LOXHD1: variants seen among roughly 807,000 people sequenced by gnomAD.
The protein encoded by LOXHD1 is lipoxygenase homology PLAT domains 1.
In LOXHD1, 205 loss-of-function variants were observed where a neutral mutation model predicts 248.2. That is an observed-to-expected ratio of 0.83 (90% CI 0.74 to 0.93). LOXHD1 has a LOEUF of 0.93. Among genes scored for constraint, LOXHD1 ranks in the 40% least tolerant of loss-of-function variants. The pLI, the probability that LOXHD1 is intolerant of heterozygous loss-of-function variation, is 0.00. For synonymous variants in LOXHD1, 1,113 were observed against 1,162.8 expected (o/e 0.96, Z 0.87); for missense variants, 2,930 against 2,971.6 (o/e 0.99, Z 0.33).
intron 3 of LOXHD1, among the ~76,000 whole-genome samples, chr18:46,640,908 AGTT>A (rs2038954849): frequency 6.6e-6 from 1 of 152,158 alleles, no homozygotes. Context: ...TTATCCTTGC[AGTT>A]GTTAACAGGA....
At chr18:46,611,026 C>A in intron 5 of LOXHD1, 102 bp from the exon 6 acceptor site, 1 of 1,372,374 alleles carries the variant, frequency 7.3e-7, no homozygotes. Flanking sequence ...CCAAAGTTAA[C>A]AAGGGCAACT....
intron 17 of LOXHD1, 68 bp downstream of exon 17, chr18:46,566,189 T>TGGGG: frequency 2.0e-6 from 3 of 1,470,258 alleles, no homozygotes; most frequent in Non-Finnish European, 2.7e-6. Flanking sequence ...CCATGGTCCC[T>TGGGG]CCTCCTTCCC....
intron 34 of LOXHD1, among the ~76,000 whole-genome samples, chr18:46,512,602 C>T (rs1455732843): frequency 1.3e-5 from 2 of 152,268 alleles, no homozygotes; most frequent in Admixed American, 6.5e-5. Flanking sequence ...AATGAACCTA[C>T]TGGGTGGTTC....
chr18:46,613,935 T>C (rs1373363282), intron 5 of LOXHD1, among the ~76,000 whole-genome samples: 8 of 152,240 alleles, frequency 5.3e-5, no homozygotes, highest in Non-Finnish European at 1.2e-4. Context: ...GGTGTGCTAA[T>C]ATTTAAGATT....
rs8095313 is a variant in LOXHD1 at position 46,602,672 on chromosome 18, G to A, written c.884-1205C>T. Among the ~76,000 whole-genome samples, 991 of 152,142 alleles carry A rather than the reference G, an allele frequency of 6.5e-3. 12 individuals carry two copies. Among genetic ancestry groups the A allele is most frequent in the African/African-American group, 0.023 (955 of 41,496 alleles). ...TGATAATACATGCAACTACATGGGTGTATTATTCATTCTTAAACTTACATT... is the reference window on the plus strand; with the variant it reads ...TGATAATACATGCAACTACATGGGTATATTATTCATTCTTAAACTTACATT... On this transcript the variant is annotated intron_variant, in intron 7 of 40. Coordinates refer to ENST00000642948, the MANE Select transcript of LOXHD1 (RefSeq NM_001384474.1).
chr18:46,592,218 G>A lies in LOXHD1; in HGVS notation c.1519-150C>T, dbSNP rs146160136. On this transcript the variant is annotated intron_variant, in intron 11 of 40. Transcript: ENST00000642948. ...CAGGCAGAGGGCCGGATTAGTATTT[G>A]TTCCTGGTTTCCTGGATACCCACAC... is the stretch of plus-strand genomic sequence containing the variant. 2.3e-4 allele frequency: 265 copies of A among 1,168,034 alleles called. No homozygotes were observed. In the African/African-American group the frequency reaches 3.7e-3, roughly 16 times the overall value. The allele number at this position is 1,168,034 out of a possible 1,614,324, so 72.4% of individuals were successfully genotyped here. A position where few individuals can be genotyped will look rare whatever the true frequency, so the allele number is the denominator to read the frequency against.
intron 4 of LOXHD1, among the ~76,000 whole-genome samples, chr18:46,636,319 G>A (rs1294210279): frequency 1.3e-5 from 2 of 152,232 alleles, no homozygotes; most frequent in African/African-American, 4.8e-5. Flanking sequence ...ACCGTACTGT[G>A]CAACAGTCCT....
At chr18:46,530,108 A>T (rs1460705286) in intron 28 of LOXHD1, among the ~76,000 whole-genome samples, 1 of 152,122 alleles carries the variant, frequency 6.6e-6, no homozygotes, top group Admixed American at 6.5e-5. Flanking sequence ...GAAGGCTAAA[A>T]ATTGGTTGGC....
intron 5 of LOXHD1, among the ~76,000 whole-genome samples, chr18:46,617,572 C>T (rs915181173): frequency 2.0e-5 from 3 of 151,188 alleles, no homozygotes; most frequent in Non-Finnish European, 4.4e-5. Context: ...CTTAGCAATG[C>T]ATTTTGAATT....
At chr18:46,541,608 T>C (rs991028205) in intron 25 of LOXHD1, among the ~76,000 whole-genome samples, 168 bp downstream of exon 25, 17 of 152,238 alleles carry the variant, frequency 1.1e-4, no homozygotes, top group African/African-American at 4.1e-4. Flanking sequence ...TCCAGAACTC[T>C]GCCCACAGCC....
At chr18:46,640,994 G>T (rs1469289045) in intron 3 of LOXHD1, among the ~76,000 whole-genome samples, 1 of 152,096 alleles carries the variant, frequency 6.6e-6, no homozygotes, top group Non-Finnish European at 1.5e-5. Flanking sequence ...CCTTCCCTTG[G>T]AAGGATGTAT....
At chr18:46,607,630 A>G (rs1363386103) in intron 6 of LOXHD1, among the ~76,000 whole-genome samples, 3 of 151,990 alleles carry the variant, frequency 2.0e-5, no homozygotes, top group Admixed American at 2.0e-4. Context: ...ATGAACATGT[A>G]TTAGTTTTAT....
intron 16 of LOXHD1, among the ~76,000 whole-genome samples, chr18:46,568,493 C>G (rs2037687247): frequency 6.6e-6 from 1 of 152,176 alleles, no homozygotes; most frequent in Admixed American, 6.5e-5. Context: ...ACCCTAATCC[C>G]CCTTACTGTG....
chr18:46,635,791 G>C (rs907169480), intron 4 of LOXHD1, among the ~76,000 whole-genome samples: 1 of 152,164 alleles, frequency 6.6e-6, no homozygotes, highest in African/African-American at 2.4e-5. Context: ...TAAAAAGTGA[G>C]TTAAAGAAGT....
chr18:46,487,132 GCT>G (rs1261357173), intron 38 of LOXHD1, among the ~76,000 whole-genome samples: 1 of 152,170 alleles, frequency 6.6e-6, no homozygotes, highest in East Asian at 1.9e-4. Flanking sequence ...CTAGAGGAAG[GCT>G]CTCAGTAGTC....
rs759058667 is a variant in LOXHD1 at position 46,569,686 on chromosome 18, G to C, written c.2048-48C>G. On this transcript the variant is annotated intron_variant, in intron 15 of 40. Coordinates refer to ENST00000642948, the MANE Select transcript of LOXHD1 (RefSeq NM_001384474.1). ...AGGAAGGGAAGGGGTTAGTGCAGGG[G>C]GTGACAGGAAGCAGGGTGCGTGTAT... 9 of 1,474,450 alleles carry C rather than the reference G, an allele frequency of 6.1e-6. No homozygotes were observed. In the African/African-American group the frequency reaches 1.3e-4, roughly 21 times the overall value. The allele number at this position is 1,474,450 out of a possible 1,614,324, so 91.3% of individuals were successfully genotyped here. A position where few individuals can be genotyped will look rare whatever the true frequency, so the allele number is the denominator to read the frequency against.
chr18:46,520,926 T>A (rs1269688665), intron 33 of LOXHD1, among the ~76,000 whole-genome samples, 171 bp downstream of exon 33: 2 of 152,136 alleles, frequency 1.3e-5, no homozygotes, highest in Non-Finnish European at 2.9e-5. Context: ...AGAAGAGAGT[T>A]CAGTCTGCGG....
chr18:46,533,665 T>C, intron 27 of LOXHD1: 1 of 336,912 alleles, frequency 3.0e-6, no homozygotes, highest in Non-Finnish European at 5.7e-6. Flanking sequence ...GGCTCATGCC[T>C]GTAATCTCAG....
At chr18:46,629,800 A>G (rs1215323000) in intron 4 of LOXHD1, among the ~76,000 whole-genome samples, 3 of 151,272 alleles carry the variant, frequency 2.0e-5, no homozygotes, top group Non-Finnish European at 4.4e-5. Flanking sequence ...ATTAAAAAAA[A>G]AAAAAAAGAA....
Sources: allele counts gnomAD v4.1 joint callset (sites outside exome capture counted in the v4.1 genomes callset), GRCh38; gene constraint gnomAD v4.1.1; transcripts MANE v1.5; gene names NCBI Gene and HGNC (gene_info 2026-07-23, HGNC 2026-07-21).